NDST4: variants seen among roughly 807,000 people sequenced by gnomAD.
NDST4 encodes N-deacetylase and N-sulfotransferase 4, also known as N-heparan sulfate sulfotransferase 4.
In NDST4, 63 loss-of-function variants were observed where a neutral mutation model predicts 100.8. The observed-to-expected ratio is 0.62, with a 90% confidence interval of 0.51 to 0.77. The LOEUF is 0.77. NDST4 is among the 30% of genes least tolerant of loss of function. NDST4 has a pLI of 0.00. For synonymous variants in NDST4, 377 were observed against 361.8 expected, an observed-to-expected ratio of 1.04 and a Z score of -0.48; for missense variants, 943 against 1,018.4, an observed-to-expected ratio of 0.93 and a Z score of 1.01.
intron 2 of NDST4, among the ~76,000 whole-genome samples, chr4:114,995,856 T>G (rs555784588): frequency 2.6e-5 from 4 of 152,214 alleles, no homozygotes; most frequent in African/African-American, 9.6e-5. Context: ...TGAGTGAGTT[T>G]CCTGAACCTT....
chr4:114,917,116 C>A (rs1560811163), intron 6 of NDST4, among the ~76,000 whole-genome samples: 1 of 152,028 alleles, frequency 6.6e-6, no homozygotes, highest in Non-Finnish European at 1.5e-5. Context: ...CTATGCATAT[C>A]CTCCCATATA....
intron 2 of NDST4, among the ~76,000 whole-genome samples, chr4:115,069,924 GT>G (rs1428684823): frequency 3.9e-5 from 6 of 152,082 alleles, no homozygotes; most frequent in African/African-American, 1.4e-4. Flanking sequence ...AAAAATAACA[GT>G]TGCAGAAGAG....
At position 114,937,348 on chromosome 4, in the gene NDST4, G is replaced by A. The variant is rs767128684; in HGVS notation, c.1377C>T (p.Tyr459=). ...EEYPHLKPAR[Y]RKGFIHNSIM... The stretch of plus-strand genomic sequence containing the variant: ...TGCTATTGTGAATGAAGCCCTTTCT[G>A]TACCGGGCAGGTTTCAGATGTGGAT... The change falls in exon 5 of 14, where the codon TAC becomes TAT. Residue 459 remains tyrosine (Y), a synonymous_variant. Coordinates refer to ENST00000264363, the MANE Select transcript of NDST4 (RefSeq NM_022569.3). 1 of 1,614,102 alleles carries A rather than the reference G, an allele frequency of 6.2e-7. No homozygotes were observed. Among genetic ancestry groups the A allele is most frequent in the Admixed American group, 1.7e-5 (1 of 60,016 alleles).
intron 2 of NDST4, among the ~76,000 whole-genome samples, chr4:115,020,658 T>C (rs1727789780): frequency 6.6e-6 from 1 of 152,030 alleles, no homozygotes; most frequent in South Asian, 2.1e-4. Flanking sequence ...TCTATACATC[T>C]ATACATCTGA....
chr4:114,863,390 T>C (rs1723958252), intron 7 of NDST4, among the ~76,000 whole-genome samples: 1 of 152,356 alleles, frequency 6.6e-6, no homozygotes, highest in South Asian at 2.1e-4. Flanking sequence ...ATTATGTGCG[T>C]GTGTGCATGC....
intron 2 of NDST4, among the ~76,000 whole-genome samples, chr4:115,003,357 T>C (rs1357873313): frequency 6.6e-6 from 1 of 152,166 alleles, no homozygotes; most frequent in African/African-American, 2.4e-5. Context: ...AGTGATCTTA[T>C]ATATTTTGTT....
chr4:114,845,483 C>G (rs1011010915), intron 10 of NDST4, among the ~76,000 whole-genome samples: 1 of 152,122 alleles, frequency 6.6e-6, no homozygotes, highest in Non-Finnish European at 1.5e-5. Context: ...AAATAAAGCT[C>G]TATGCCATTC....
At chr4:114,887,301 G>A in intron 6 of NDST4, among the ~76,000 whole-genome samples, 1 of 152,148 alleles carries the variant, frequency 6.6e-6, no homozygotes, top group Non-Finnish European at 1.5e-5. Flanking sequence ...AAGAAAACAT[G>A]ATTTTTTTGT....
At chr4:115,095,394 T>A (rs1054007903) in intron 1 of NDST4, among the ~76,000 whole-genome samples, 1 of 152,174 alleles carries the variant, frequency 6.6e-6, no homozygotes, top group African/African-American at 2.4e-5. Flanking sequence ...TTTCTTCATC[T>A]TCCTAGCTCT....
intron 6 of NDST4, among the ~76,000 whole-genome samples, chr4:114,877,999 A>G (rs529699896): frequency 2.0e-5 from 3 of 152,132 alleles, no homozygotes; most frequent in African/African-American, 7.2e-5. Context: ...GAAATAAAGA[A>G]AGAAAGGAAG....
At chr4:115,013,927 T>C (rs765046241) in intron 2 of NDST4, among the ~76,000 whole-genome samples, 3 of 151,994 alleles carry the variant, frequency 2.0e-5, no homozygotes, top group Non-Finnish European at 4.4e-5. Flanking sequence ...GAGGTGATAA[T>C]TCTCACCACA....
chr4:115,037,639 T>C (rs1397363203), intron 2 of NDST4, among the ~76,000 whole-genome samples: 1 of 152,164 alleles, frequency 6.6e-6, no homozygotes, highest in Non-Finnish European at 1.5e-5. Flanking sequence ...AAATTTAGCA[T>C]CCAGAATCTT....
At chr4:114,897,423 C>G (rs965662453) in intron 6 of NDST4, among the ~76,000 whole-genome samples, 2 of 152,068 alleles carry the variant, frequency 1.3e-5, no homozygotes, top group African/African-American at 4.8e-5. Flanking sequence ...TTCTTTTTGG[C>G]ACTTAATAAT....
chr4:114,828,567 A>T (rs926090053), intron 13 of NDST4, among the ~76,000 whole-genome samples: 3 of 150,414 alleles, frequency 2.0e-5, no homozygotes, highest in African/African-American at 5.0e-5. Flanking sequence ...GAGAAATGCT[A>T]AAAAAAATAT....
chr4:114,904,116 T>A (rs1357392464), intron 6 of NDST4, among the ~76,000 whole-genome samples: 5 of 152,000 alleles, frequency 3.3e-5, no homozygotes, highest in Admixed American at 1.3e-4. Context: ...GGGTAAGAAG[T>A]ATGAAAGTGA....
intron 2 of NDST4, among the ~76,000 whole-genome samples, chr4:115,022,720 T>C (rs1017006139): frequency 3.3e-5 from 5 of 151,966 alleles, no homozygotes; most frequent in Admixed American, 1.3e-4. Context: ...AGGAACCCAG[T>C]GGGAGGTGAT....
At chr4:115,053,492 C>A (rs498426) in intron 2 of NDST4, among the ~76,000 whole-genome samples, 5,299 of 152,162 alleles carry the variant, frequency 0.035, 321 homozygotes, top group African/African-American at 0.12. Flanking sequence ...CTGCCACACC[C>A]TTTCCTGTGC....
At chr4:114,964,918 C>T (rs947780438) in intron 4 of NDST4, among the ~76,000 whole-genome samples, 4 of 151,044 alleles carry the variant, frequency 2.6e-5, no homozygotes, top group South Asian at 2.1e-4. Flanking sequence ...CATGTTGTCA[C>T]GTGTTACAGA....
intron 13 of NDST4, 127 bp from the exon 14 acceptor site, chr4:114,828,062 A>AT (rs756349940): frequency 1.5e-5 from 13 of 859,122 alleles, no homozygotes; most frequent in Non-Finnish European, 2.1e-5. Flanking sequence ...TATTTCTTGT[A>AT]TTTTTCCTCA....
Sources: gnomAD v4.1 joint callset for allele counts (sites outside exome capture counted in the v4.1 genomes callset) on GRCh38, gnomAD v4.1.1 for gene constraint, MANE v1.5 for transcripts, NCBI Gene and HGNC (gene_info 2026-07-23, HGNC 2026-07-21) for gene names.